Variants in SURF4 observed in about 807,000 individuals in gnomAD.
SURF4 encodes surfeit locus protein 4.
SURF4 carries 3 observed loss-of-function variants against 30.0 expected under a neutral mutation model. The ratio of observed to expected loss-of-function variants is 0.10; its 90% CI spans 0.05 to 0.26. SURF4 has a LOEUF of 0.26. Ranked by LOEUF, SURF4 falls within the 10% of genes least tolerant of loss-of-function variation. The pLI is 1.00. For missense variants in SURF4, 217 were observed against 350.8 expected, an observed-to-expected ratio of 0.62 and a Z score of 3.05; for synonymous variants, 143 against 139.9, an observed-to-expected ratio of 1.02 and a Z score of -0.16.
Position 133,363,812 on chromosome 9 carries a change from C to T in SURF4, c.544-53G>A. 1 of 1,607,604 alleles carries T rather than the reference C, an allele frequency of 6.2e-7. No individual in the cohort carries two copies. The highest frequency in any genetic ancestry group is 8.5e-7 in the Non-Finnish European group (1 of 1,174,964). Reference sequence around the variant, plus strand: ...AAAATAAATGTGAGGAAAAGAGATGCTTTATAAACAAAAGTTCCAGCTGCT... The same window carrying T: ...AAAATAAATGTGAGGAAAAGAGATGTTTTATAAACAAAAGTTCCAGCTGCT... On this transcript the variant is annotated intron_variant, in intron 5 of 5. Transcript: ENST00000371989. This position sits in a 1 kb window ranked among gnomAD's most constrained non-coding sequence, Gnocchi z 4.3.
chr9:133,369,132 T>A (rs978994798), intron 1 of SURF4, among the ~76,000 whole-genome samples: 2 of 152,196 alleles, frequency 1.3e-5, no homozygotes, highest in South Asian at 2.1e-4. Context: ...CACTGCAGAT[T>A]GGCTCCCATG....
intron 1 of SURF4, among the ~76,000 whole-genome samples, chr9:133,374,291 G>T (rs2130221662): frequency 2.0e-5 from 3 of 152,186 alleles, no homozygotes; most frequent in Non-Finnish European, 2.9e-5. Context: ...CGTGGCTCAC[G>T]CCTGTAATCC....
At chr9:133,376,620 A>C (rs1055431290), upstream of SURF4, 40 of 1,437,700 alleles carry the variant, frequency 2.8e-5, no homozygotes, top group Non-Finnish European at 3.2e-5. Flanking sequence ...GCAACCCTGG[A>C]GCTACGGCCG....
chr9:133,373,799 A>T (rs2130213811), intron 1 of SURF4, among the ~76,000 whole-genome samples: 2 of 147,062 alleles, frequency 1.4e-5, no homozygotes, highest in African/African-American at 5.0e-5. Context: ...AGGCGCCTGT[A>T]ATCCCAGCTA....
At chr9:133,377,163 G>T (rs2130252937), upstream of SURF4, among the ~76,000 whole-genome samples, 1 of 152,240 alleles carries the variant, frequency 6.6e-6, no homozygotes, top group East Asian at 1.9e-4. Context: ...GTTGCCAGAG[G>T]TGAAGCAGAT....
chr9:133,376,365 T>C (rs2130246975), upstream of SURF4: 10 of 1,397,542 alleles, frequency 7.2e-6, no homozygotes, highest in Admixed American at 2.4e-4. Context: ...GAGGGACGCC[T>C]GAGTGCCTCG....
In SURF4 at chr9:133,363,055, AC is replaced by A. The variant is rs2130081551; in HGVS notation, c.*437del. On this transcript the variant is annotated 3_prime_UTR_variant, in exon 6 of 6. Transcript: ENST00000371989. The surrounding 1 kb of genome is among the most constrained non-coding windows in gnomAD (Gnocchi z 4.3). ...AACTGTTTTGAGGTTTGGCTGAACC[AC>A]CCAAAATAATTTAGTAGTTTCCGCT... 9.7e-5 allele frequency: 30 copies of A among 308,342 alleles called. 1 individual carries two copies. In the East Asian group the frequency reaches 2.1e-3, roughly 22 times the overall value. 19.1% of individuals were successfully genotyped at this position (308,342 alleles called of 1,614,324 possible). A position where few individuals can be genotyped will look rare whatever the true frequency, so the allele number is the denominator to read the frequency against.
chr9:133,373,459 GGGGC>G (rs2130207285), intron 1 of SURF4, among the ~76,000 whole-genome samples: 20 of 151,924 alleles, frequency 1.3e-4, no homozygotes, highest in Non-Finnish European at 2.8e-4. Context: ...AAAAATTAGC[GGGGC>G]GTGGTGGCGT....
intron 2 of SURF4, 27 bp downstream of exon 2, chr9:133,367,232 A>G: frequency 6.2e-7 from 1 of 1,610,556 alleles, no homozygotes; most frequent in Non-Finnish European, 8.5e-7. Flanking sequence ...CGCCCAGTGA[A>G]TCCTGACCAC....
At position 133,375,048 on chromosome 9, in the gene SURF4, G is replaced by A. The variant is rs2130232347; in HGVS notation, c.48+874C>T. The stretch of plus-strand genomic sequence containing the variant: ...AACGGGATTCTTTTAGAAGTAAAAG[G>A]CATAAATCTGCGTAACCACCACCAC... On this transcript the variant is annotated intron_variant, in intron 1 of 5. Coordinates refer to ENST00000371989, the MANE Select transcript of SURF4 (RefSeq NM_033161.4). Among the ~76,000 whole-genome samples, 300 of 152,322 alleles carry A rather than the reference G, an allele frequency of 2.0e-3. 1 individual carries two copies. Among genetic ancestry groups the A allele is most frequent in the African/African-American group, 6.9e-3 (287 of 41,584 alleles).
At chr9:133,365,091 G>C in intron 4 of SURF4, 65 bp from the exon 5 acceptor site, 4 of 1,403,522 alleles carry the variant, frequency 2.8e-6, no homozygotes, top group Non-Finnish European at 3.8e-6. Context: ...TGTGAGACCA[G>C]GTGCAGGGAG....
At chr9:133,373,105 A>C (rs1837603371) in intron 1 of SURF4, among the ~76,000 whole-genome samples, 1 of 152,172 alleles carries the variant, frequency 6.6e-6, no homozygotes, top group Admixed American at 6.5e-5. Flanking sequence ...TCTTCCCTTG[A>C]CTTGTGCCAG....
In SURF4 at chr9:133,363,899, C is replaced by T. The variant is rs2130096074; in HGVS notation, c.544-140G>A. ...GCTACTGCTGAGACGGCTGCTGGTG[C>T]AAGTAGGGAGATAAAAGCCAAAGGG... On this transcript the variant is annotated intron_variant, in intron 5 of 5. Coordinates refer to ENST00000371989, the MANE Select transcript of SURF4 (RefSeq NM_033161.4). This position sits in a 1 kb window ranked among gnomAD's most constrained non-coding sequence, Gnocchi z 4.3. 2 of 1,082,346 alleles carry T rather than the reference C, an allele frequency of 1.8e-6. No individual in the cohort carries two copies. Among genetic ancestry groups the T allele is most frequent in the African/African-American group, 3.1e-5 (2 of 63,826 alleles). 67.0% of individuals were successfully genotyped at this position (1,082,346 alleles called of 1,614,324 possible).
Position 133,363,922 on chromosome 9 carries a change from G to A in SURF4, c.544-163C>T, listed in dbSNP as rs1836997712. Reference sequence around the variant, plus strand: ...TGCAAGTAGGGAGATAAAAGCCAAAGGGAGGCAGGAGGCAATAAAGCACCA... The same window carrying A: ...TGCAAGTAGGGAGATAAAAGCCAAAAGGAGGCAGGAGGCAATAAAGCACCA... On this transcript the variant is annotated intron_variant, in intron 5 of 5. Transcript: ENST00000371989. This position sits in a 1 kb window ranked among gnomAD's most constrained non-coding sequence, Gnocchi z 4.3. 1 of 884,750 alleles carries A rather than the reference G, an allele frequency of 1.1e-6. No individual in the cohort carries two copies. The highest frequency in any genetic ancestry group is 1.7e-5 in the African/African-American group (1 of 60,174). 54.8% of individuals were successfully genotyped at this position (884,750 alleles called of 1,614,324 possible).
At chr9:133,376,682 T>A, upstream of SURF4, 1 of 832,106 alleles carries the variant, frequency 1.2e-6, no homozygotes, top group Non-Finnish European at 1.8e-6. Context: ...AGTGTCGGCC[T>A]GCAGCTCCTA....
chr9:133,366,795 G>A, intron 2 of SURF4, 120 bp from the exon 3 acceptor site: 1 of 785,222 alleles, frequency 1.3e-6, no homozygotes, highest in East Asian at 2.7e-5. Flanking sequence ...ACCTACCCAA[G>A]CAAAAGACAA....
upstream of SURF4, chr9:133,376,401 C>G (rs1057378146): frequency 5.5e-6 from 8 of 1,456,234 alleles, no homozygotes; most frequent in Non-Finnish European, 6.3e-6. Flanking sequence ...CGGGGAGGAT[C>G]CCGCGGGTCC....
chr9:133,375,195 C>A, intron 1 of SURF4: 1 of 985,290 alleles, frequency 1.0e-6, no homozygotes, highest in Non-Finnish European at 1.2e-6. Context: ...CAACAGTTAC[C>A]CAACCGCCTG....
intron 2 of SURF4, 148 bp from the exon 3 acceptor site, chr9:133,366,823 G>T: frequency 1.5e-6 from 1 of 676,276 alleles, no homozygotes; most frequent in Non-Finnish European, 2.6e-6. Context: ...AAGAATTAAT[G>T]ATAGGCAAGG....
Sources: allele counts gnomAD v4.1 joint callset (sites outside exome capture counted in the v4.1 genomes callset), GRCh38; gene constraint gnomAD v4.1.1; non-coding constraint Gnocchi (gnomAD v3.1); transcripts MANE v1.5; gene names NCBI Gene and HGNC (gene_info 2026-07-23, HGNC 2026-07-21).